RPTOR: variants seen among roughly 807,000 people sequenced by gnomAD.
RPTOR encodes the protein regulatory associated protein of MTOR complex 1, also known as regulatory-associated protein of mTOR.
RPTOR carries 21 observed loss-of-function variants against 169.9 expected under a neutral mutation model. The ratio of observed to expected loss-of-function variants is 0.12; its 90% CI spans 0.09 to 0.18. The LOEUF (loss-of-function observed/expected upper bound fraction) is 0.18, where lower values mean the gene tolerates loss of function less well. RPTOR is among the 10% of genes least tolerant of loss of function. The probability of loss-of-function intolerance (pLI) is 1.00; values close to 1 mark genes in which losing one functional copy is unlikely to be tolerated. For synonymous variants in RPTOR, 732 were observed against 753.2 expected (o/e 0.97, Z 0.46); for missense variants, 1,133 against 1,855.9 (o/e 0.61, Z 7.16).
chr17:80,864,011 T>C (rs1193710604), intron 13 of RPTOR, among the ~76,000 whole-genome samples: 1 of 152,172 alleles, frequency 6.6e-6, no homozygotes, highest in Non-Finnish European at 1.5e-5. Context: ...ATTATTCCAT[T>C]GCGGGACAAC....
At chr17:80,547,743 C>G (rs532800965) in intron 1 of RPTOR, among the ~76,000 whole-genome samples, 1 of 152,250 alleles carries the variant, frequency 6.6e-6, no homozygotes, top group East Asian at 1.9e-4. Flanking sequence ...GTTGCAAACT[C>G]AAATGATATT....
chr17:80,634,298 T>TGTGTGCGTACTGTGC (rs1567830509), intron 2 of RPTOR, among the ~76,000 whole-genome samples: 1 of 107,620 alleles, frequency 9.3e-6, no homozygotes, highest in East Asian at 2.2e-4. Context: ...GCGTACTGTG[T>TGTGTGCGTACTGTGC]GTGTGCGTAC....
At chr17:80,554,693 G>A (rs1027276501) in intron 1 of RPTOR, among the ~76,000 whole-genome samples, 3 of 151,970 alleles carry the variant, frequency 2.0e-5, no homozygotes, top group African/African-American at 4.8e-5. Context: ...GCAGTGAGCT[G>A]AGATTGCGCC....
intron 1 of RPTOR, among the ~76,000 whole-genome samples, chr17:80,610,606 C>T (rs769610063): frequency 5.3e-5 from 8 of 151,996 alleles, no homozygotes; most frequent in Admixed American, 1.3e-4. Context: ...TCTTGCTGGG[C>T]GGCTCTCACT....
chr17:80,884,066 G>A (rs527947207), intron 16 of RPTOR, 94 bp downstream of exon 16: 71 of 1,296,006 alleles, frequency 5.5e-5, no homozygotes, highest in South Asian at 4.2e-4. Flanking sequence ...GGCCGGCCAC[G>A]TGTCCAGGAA....
intron 6 of RPTOR, among the ~76,000 whole-genome samples, chr17:80,774,994 G>C (rs1449391095): frequency 6.6e-6 from 1 of 152,134 alleles, no homozygotes; most frequent in Admixed American, 6.5e-5. Context: ...TTCCTCCCTC[G>C]GGCTCCTGGG....
At position 80,947,388 on chromosome 17, in the gene RPTOR, G is replaced by A. The variant is rs983232538; in HGVS notation, c.3265+37G>A. 2.0e-6 allele frequency: 3 copies of A among 1,508,186 alleles called. No homozygotes were observed. The highest frequency in any genetic ancestry group is 1.8e-6 in the Non-Finnish European group (2 of 1,128,886). The allele number at this position is 1,508,186 out of a possible 1,614,324, so 93.4% of individuals were successfully genotyped here. On this transcript the variant is annotated intron_variant, in intron 27 of 33. Transcript: ENST00000306801. The surrounding 1 kb of genome is among the most constrained non-coding windows in gnomAD (Gnocchi z 4.4). Reference sequence around the variant, plus strand: ...TTGCACAGCCAGGATTGGAAGCCAGGGTCTGGAGGAGTGGCGGGGAGGGTG... The same window carrying A: ...TTGCACAGCCAGGATTGGAAGCCAGAGTCTGGAGGAGTGGCGGGGAGGGTG...
At chr17:80,868,389 C>T (rs1331345735) in intron 13 of RPTOR, among the ~76,000 whole-genome samples, 2 of 152,096 alleles carry the variant, frequency 1.3e-5, no homozygotes, top group African/African-American at 4.8e-5. Flanking sequence ...TATACCACTG[C>T]ACACCAAGTA....
At chr17:80,904,048 T>C (rs1162827423) in intron 20 of RPTOR, among the ~76,000 whole-genome samples, 1 of 152,252 alleles carries the variant, frequency 6.6e-6, no homozygotes, top group Non-Finnish European at 1.5e-5. Flanking sequence ...CTGAATATGC[T>C]GAGAAAACGA....
chr17:80,748,548 TTGGG>T (rs2066600717), intron 5 of RPTOR, among the ~76,000 whole-genome samples: 1 of 106,356 alleles, frequency 9.4e-6, no homozygotes, highest in Non-Finnish European at 1.9e-5. Flanking sequence ...GGAGGACCTG[TTGGG>T]TGGATGGAGG....
chr17:80,910,612 C>G (rs1382115301), intron 21 of RPTOR, among the ~76,000 whole-genome samples: 1 of 152,142 alleles, frequency 6.6e-6, no homozygotes, highest in East Asian at 1.9e-4. Context: ...GGCTTCCCAT[C>G]CTAGTCCATC....
At chr17:80,872,154 C>T (rs1056621896) in intron 13 of RPTOR, among the ~76,000 whole-genome samples, 1 of 152,168 alleles carries the variant, frequency 6.6e-6, no homozygotes, top group East Asian at 1.9e-4. Context: ...CTGTCATCAG[C>T]GAGGAGGGGC....
intron 27 of RPTOR, chr17:80,948,465 G>T (rs545947731): frequency 1.3e-5 from 2 of 152,634 alleles, no homozygotes; most frequent in African/African-American, 4.8e-5. Context: ...GGCTCAGCCA[G>T]CGGTTTCGGA....
intron 5 of RPTOR, among the ~76,000 whole-genome samples, chr17:80,742,847 C>T (rs1041266706): frequency 6.6e-6 from 1 of 151,964 alleles, no homozygotes; most frequent in African/African-American, 2.4e-5. Flanking sequence ...CATAAACATA[C>T]ACATATACAT....
At chr17:80,807,264 T>C (rs1029706308) in intron 7 of RPTOR, among the ~76,000 whole-genome samples, 45 of 152,250 alleles carry the variant, frequency 3.0e-4, no homozygotes, top group African/African-American at 1.0e-3. Context: ...AGTGTAGTAA[T>C]TGATATATTT....
chr17:80,611,677 C>T (rs1258353023), intron 1 of RPTOR, among the ~76,000 whole-genome samples: 2 of 151,992 alleles, frequency 1.3e-5, no homozygotes, highest in Admixed American at 6.5e-5. Flanking sequence ...AGAAAATTGA[C>T]CATACTTCCA....
chr17:80,553,899 G>A (rs764267249), intron 1 of RPTOR, among the ~76,000 whole-genome samples: 7 of 151,912 alleles, frequency 4.6e-5, no homozygotes, highest in Non-Finnish European at 7.4e-5. Context: ...CTGCTACCAC[G>A]CCTGGCTAAT....
At chr17:80,643,272 T>A (rs567367929) in intron 2 of RPTOR, among the ~76,000 whole-genome samples, 17 of 152,318 alleles carry the variant, frequency 1.1e-4, no homozygotes, top group Admixed American at 2.0e-4. Context: ...TTTGTGGGAA[T>A]ACTGAGTGCA....
At chr17:80,640,430 C>T (rs1371012192) in intron 2 of RPTOR, among the ~76,000 whole-genome samples, 1 of 152,230 alleles carries the variant, frequency 6.6e-6, no homozygotes, top group African/African-American at 2.4e-5. Context: ...TCTTCCTCTG[C>T]TTCTCATTTC....
Sources: allele counts gnomAD v4.1 joint callset (sites outside exome capture counted in the v4.1 genomes callset), GRCh38; gene constraint gnomAD v4.1.1; non-coding constraint Gnocchi (gnomAD v3.1); transcripts MANE v1.5; gene names NCBI Gene and HGNC (gene_info 2026-07-23, HGNC 2026-07-21).